The following ANKS1B variants were observed in gnomAD, a reference collection of about 807,000 sequenced individuals.
ANKS1B encodes ankyrin repeat and sterile alpha motif domain-containing protein 1B.
In ANKS1B, 36 loss-of-function variants were observed where a neutral mutation model predicts 148.3. That is an observed-to-expected ratio of 0.24 (90% CI 0.19 to 0.32). ANKS1B has a LOEUF of 0.32. Among genes scored for constraint, ANKS1B ranks in the 10% least tolerant of loss-of-function variants. ANKS1B has a pLI of 1.00. For synonymous variants in ANKS1B, 542 were observed against 560.8 expected (o/e 0.97, Z 0.47); for missense variants, 1,157 against 1,542.6 (o/e 0.75, Z 4.19).
intron 14 of ANKS1B, among the ~76,000 whole-genome samples, chr12:99,186,014 C>G (rs1245410083): frequency 6.6e-6 from 1 of 152,202 alleles, no homozygotes; most frequent in African/African-American, 2.4e-5. Context: ...ACTGCCAGCA[C>G]AGCAGTCTGA....
At chr12:99,032,125 G>T (rs1225703137) in intron 17 of ANKS1B, among the ~76,000 whole-genome samples, 1 of 152,130 alleles carries the variant, frequency 6.6e-6, no homozygotes, top group Non-Finnish European at 1.5e-5. Flanking sequence ...CCTCATGGGG[G>T]TCATGACTTA....
chr12:98,996,639 C>T (rs753202976), intron 17 of ANKS1B, among the ~76,000 whole-genome samples: 7 of 151,442 alleles, frequency 4.6e-5, no homozygotes, highest in Non-Finnish European at 1.0e-4. Flanking sequence ...ATGGTGAAAC[C>T]CCATCTCTAC....
chr12:99,368,596 T>C (rs1352804054), intron 12 of ANKS1B, among the ~76,000 whole-genome samples: 1 of 152,068 alleles, frequency 6.6e-6, no homozygotes, highest in Admixed American at 6.5e-5. Context: ...AAGTATTATA[T>C]ATGCATTATA....
At chr12:98,789,011 G>A (rs1216699937) in intron 22 of ANKS1B, among the ~76,000 whole-genome samples, 1 of 152,180 alleles carries the variant, frequency 6.6e-6, no homozygotes, top group Admixed American at 6.5e-5. Flanking sequence ...ATAAAACAAA[G>A]AGTTCAGTTC....
chr12:98,920,219 T>G (rs1333832314), intron 17 of ANKS1B, among the ~76,000 whole-genome samples: 2 of 152,182 alleles, frequency 1.3e-5, no homozygotes, highest in Non-Finnish European at 2.9e-5. Flanking sequence ...ACTATTTGCT[T>G]AGATTGTTTG....
intron 14 of ANKS1B, among the ~76,000 whole-genome samples, chr12:99,187,411 G>A (rs2080016451): frequency 1.3e-5 from 2 of 152,112 alleles, no homozygotes; most frequent in Non-Finnish European, 2.9e-5. Context: ...AGGTTGAAAT[G>A]AAGGAAAAAA....
chr12:99,677,349 TG>T (rs137910996), intron 8 of ANKS1B, among the ~76,000 whole-genome samples: 2,405 of 150,386 alleles, frequency 0.016, 64 homozygotes, highest in African/African-American at 0.057. Flanking sequence ...TTTATTTTTT[TG>T]TTTTTTTTCC....
intron 19 of ANKS1B, among the ~76,000 whole-genome samples, chr12:98,814,948 T>C (rs2099127475): frequency 6.6e-6 from 1 of 152,230 alleles, no homozygotes; most frequent in East Asian, 1.9e-4. Flanking sequence ...CTCGCTCTTG[T>C]TACCGTCTTA....
chr12:99,493,766 G>A (rs922491855), intron 10 of ANKS1B, among the ~76,000 whole-genome samples: 1 of 152,154 alleles, frequency 6.6e-6, no homozygotes, highest in Admixed American at 6.5e-5. Flanking sequence ...TGCTAAGGTT[G>A]AGGTGCCCTT....
intron 14 of ANKS1B, among the ~76,000 whole-genome samples, chr12:99,200,482 A>G (rs963991636): frequency 1.3e-5 from 2 of 152,226 alleles, no homozygotes; most frequent in African/African-American, 4.8e-5. Flanking sequence ...AGGAATGACA[A>G]AATAGTTTCA....
chr12:99,525,312 A>C (rs2096916135), intron 9 of ANKS1B, among the ~76,000 whole-genome samples: 1 of 152,212 alleles, frequency 6.6e-6, no homozygotes, highest in South Asian at 2.1e-4. Flanking sequence ...TTTTAAATGT[A>C]ATACAATACC....
intron 12 of ANKS1B, among the ~76,000 whole-genome samples, chr12:99,393,078 G>C (rs2094129318): frequency 6.6e-6 from 1 of 150,386 alleles, no homozygotes; most frequent in Non-Finnish European, 1.5e-5. Flanking sequence ...TAGATTGATA[G>C]ATCAATCGAT....
At chr12:99,948,378 TAA>T (rs35882325) in intron 1 of ANKS1B, among the ~76,000 whole-genome samples, 2 of 142,780 alleles carry the variant, frequency 1.4e-5, no homozygotes, top group Non-Finnish European at 3.1e-5. Flanking sequence ...AAGAAAGAAT[TAA>T]AAAAAAAAAG....
chr12:99,917,016 A>G (rs1305467293), intron 1 of ANKS1B, among the ~76,000 whole-genome samples: 1 of 152,232 alleles, frequency 6.6e-6, no homozygotes, highest in Non-Finnish European at 1.5e-5. Context: ...GTTCCTTCAC[A>G]TGATCAGTTT....
chr12:99,876,594 T>C (rs1421716792), intron 1 of ANKS1B, among the ~76,000 whole-genome samples: 3 of 150,520 alleles, frequency 2.0e-5, no homozygotes, highest in Non-Finnish European at 4.4e-5. Flanking sequence ...TAGCCGGGAG[T>C]GGTGGCGTGC....
In ANKS1B at chr12:99,863,406, T is replaced by C. The variant is rs1266258997; in HGVS notation, c.135-38017A>G. On this transcript the variant is annotated intron_variant, in intron 1 of 26. Coordinates refer to ENST00000683438, the MANE Select transcript of ANKS1B (RefSeq NM_001352186.2). Reference sequence around the variant, plus strand: ...TAAAATGATAACTGAGTTTTCCTTCTCTCTCTTCATCATATCAAGATCTTG... The same window carrying C: ...TAAAATGATAACTGAGTTTTCCTTCCCTCTCTTCATCATATCAAGATCTTG... 2.6e-5 allele frequency among the ~76,000 whole-genome samples: 4 copies of C among 152,222 alleles called. No individual in the cohort carries two copies. The South Asian group carries it at 6.2e-4, about 24-fold the overall frequency.
intron 17 of ANKS1B, among the ~76,000 whole-genome samples, chr12:99,040,792 G>A (rs1003084649): frequency 6.6e-5 from 10 of 152,104 alleles, no homozygotes; most frequent in East Asian, 1.9e-4. Context: ...TGCCACCTCC[G>A]GTGTGCTAGA....
intron 9 of ANKS1B, among the ~76,000 whole-genome samples, chr12:99,618,891 A>T (rs1272001009): frequency 6.6e-6 from 1 of 152,162 alleles, no homozygotes; most frequent in Non-Finnish European, 1.5e-5. Context: ...GCTCTGGAAC[A>T]GGCTAGGAAT....
intron 8 of ANKS1B, among the ~76,000 whole-genome samples, chr12:99,693,899 G>A (rs2053507238): frequency 6.7e-6 from 1 of 150,368 alleles, no homozygotes; most frequent in Non-Finnish European, 1.5e-5. Context: ...TCCTGCCTCA[G>A]CCTCCCGAGT....
Sources: gnomAD v4.1 joint callset for allele counts (sites outside exome capture counted in the v4.1 genomes callset) on GRCh38, gnomAD v4.1.1 for gene constraint, MANE v1.5 for transcripts, NCBI Gene and HGNC (gene_info 2026-07-23, HGNC 2026-07-21) for gene names.